Variants in ANTXR2 observed in about 807,000 individuals in gnomAD.
ANTXR2 encodes the protein ANTXR cell adhesion molecule 2.
ANTXR2 carries 44 observed loss-of-function variants against 73.7 expected under a neutral mutation model. The observed-to-expected ratio is 0.60, with a 90% CI of 0.47 to 0.77. ANTXR2 has a LOEUF of 0.77. Among genes scored for constraint, ANTXR2 ranks in the 30% least tolerant of loss-of-function variants. The pLI, the probability that ANTXR2 is intolerant of heterozygous loss-of-function variation, is 0.00. For synonymous variants in ANTXR2, 217 were observed against 205.9 expected, an observed-to-expected ratio of 1.05 and a Z score of -0.46; for missense variants, 604 against 592.5, an observed-to-expected ratio of 1.02 and a Z score of -0.20.
rs147751074 is a variant in ANTXR2, at chr4:80,056,383, G to A, written c.297-370C>T. On this transcript the variant is annotated intron_variant, in intron 3 of 16. Transcript: ENST00000403729. Reference sequence around the variant, plus strand: ...TGAGTAGCTCATCTTCAATGACAAAGCATTTCTGAAACACTCACTCCATCT... The same window carrying A: ...TGAGTAGCTCATCTTCAATGACAAAACATTTCTGAAACACTCACTCCATCT... 3.6e-4 allele frequency among the ~76,000 whole-genome samples: 55 copies of A among 151,928 alleles called. No homozygotes were observed. In the East Asian group the frequency reaches 9.5e-3, roughly 26 times the overall value.
chr4:80,054,355 T>G lies in ANTXR2; in HGVS notation c.556-3A>C, dbSNP rs370048069. 8.9e-6 allele frequency: 14 copies of G among 1,580,578 alleles called. No homozygotes were observed. The highest frequency in any genetic ancestry group is 1.1e-5 in the Non-Finnish European group (13 of 1,164,088). On this transcript the variant is annotated splice_polypyrimidine_tract_variant and splice_region_variant and intron_variant, in intron 6 of 16. Coordinates refer to ENST00000403729, the MANE Select transcript of ANTXR2 (RefSeq NM_058172.6). ...TTGGAATCAGCAATTCTTTCAAGCT[T>G]TAGAAAGAAGAGGAAGACTTAATTA...
At position 79,905,572 on chromosome 4, in the gene ANTXR2, A is replaced by G. The variant is rs1560833463; in HGVS notation, c.*1857T>C. 1 of 152,216 alleles carries G rather than the reference A, an allele frequency of 6.6e-6. No homozygotes were observed. The highest frequency in any genetic ancestry group is 2.4e-5 in the African/African-American group (1 of 41,468). The allele number at this position is 152,216 out of a possible 1,614,324, so 9.4% of individuals were successfully genotyped here. A position where few individuals can be genotyped will look rare whatever the true frequency, so the allele number is the denominator to read the frequency against. Reference sequence around the variant, plus strand: ...GGCTTAAAGAAATGGTAGCACAGGCATAGGTAAAATTTTTATTTATGAATG... The same window carrying G: ...GGCTTAAAGAAATGGTAGCACAGGCGTAGGTAAAATTTTTATTTATGAATG... On this transcript the variant is annotated 3_prime_UTR_variant, in exon 17 of 17. Transcript: ENST00000403729.
intron 16 of ANTXR2, among the ~76,000 whole-genome samples, chr4:79,934,628 A>G (rs1480539763): frequency 1.3e-5 from 2 of 152,140 alleles, no homozygotes; most frequent in Non-Finnish European, 2.9e-5. Context: ...ATGGAAAGTA[A>G]TAGCAGCTTA....
chr4:80,071,535 C>T, intron 2 of ANTXR2, 48 bp downstream of exon 2: 1 of 1,478,938 alleles, frequency 6.8e-7, no homozygotes, highest in Non-Finnish European at 9.5e-7. Flanking sequence ...AAATTCTACA[C>T]TTTGCTCTAC....
chr4:79,954,016 C>A (rs754218888), intron 16 of ANTXR2, among the ~76,000 whole-genome samples: 1 of 152,102 alleles, frequency 6.6e-6, no homozygotes, highest in Non-Finnish European at 1.5e-5. Flanking sequence ...CTCTAAACTG[C>A]TGTAAATTTT....
intron 16 of ANTXR2, among the ~76,000 whole-genome samples, chr4:79,931,512 C>T (rs994256396): frequency 9.9e-5 from 15 of 151,718 alleles, no homozygotes; most frequent in African/African-American, 3.1e-4. Context: ...ACCCCCACTC[C>T]AACTTCCAGA....
chr4:80,072,313 C>G (rs949342701), intron 1 of ANTXR2, 96 bp downstream of exon 1: 45 of 1,375,088 alleles, frequency 3.3e-5, no homozygotes, highest in South Asian at 3.0e-4. Flanking sequence ...GTTTCCAACA[C>G]CACTCCCCGG....
At position 79,977,915 on chromosome 4, in the gene ANTXR2, C is replaced by G. The variant is rs181937702; in HGVS notation, c.1347+92G>C. On this transcript the variant is annotated intron_variant, in intron 15 of 16. Coordinates refer to ENST00000403729, the MANE Select transcript of ANTXR2 (RefSeq NM_058172.6). ...AATGAATATCTGCAATTTCATCTAC[C>G]CTCTTTCAAGTAGCTGGGGGGATGT... 71 of 1,406,568 alleles carry G rather than the reference C, an allele frequency of 5.0e-5. No homozygotes were observed. In the East Asian group the frequency reaches 1.5e-3, roughly 31 times the overall value. 87.1% of individuals were successfully genotyped at this position (1,406,568 alleles called of 1,614,324 possible). A position where few individuals can be genotyped will look rare whatever the true frequency, so the allele number is the denominator to read the frequency against.
chr4:80,044,728 A>G (rs1733436345), intron 7 of ANTXR2, among the ~76,000 whole-genome samples: 1 of 151,898 alleles, frequency 6.6e-6, no homozygotes, highest in Non-Finnish European at 1.5e-5. Flanking sequence ...TGGCAACAGG[A>G]AGGATACTAT....
At chr4:80,047,212 AAAG>A (rs1448135952) in intron 7 of ANTXR2, among the ~76,000 whole-genome samples, 1 of 151,832 alleles carries the variant, frequency 6.6e-6, no homozygotes, top group South Asian at 2.1e-4. Context: ...TTTTTAAAAA[AAAG>A]AAAATAATAA....
intron 16 of ANTXR2, chr4:79,964,838 C>A (rs1056307955): frequency 6.6e-6 from 1 of 152,238 alleles, no homozygotes; most frequent in Non-Finnish European, 1.5e-5. Context: ...GCGGCCCTCA[C>A]CTCGCGCGCC....
rs772412214 is a variant in ANTXR2 at position 80,055,214 on chromosome 4, T to C, written c.491A>G (p.Lys164Arg). 1.3e-6 allele frequency: 2 copies of C among 1,568,104 alleles called. No individual in the cohort carries two copies. Among genetic ancestry groups the C allele is most frequent in the South Asian group, 2.3e-5 (2 of 85,620 alleles). ...LVPSYAEKEA[K>R]ISRSLGASVY... ...ACTAGCCCCAAGTGACCTGGATATC[T>C]TTGCCTATGGAGAATGAGGAGGGAA... Residue 164 changes from lysine (K) to arginine (R), a missense_variant, in exon 6 of 17, where the codon AAG (lysine) becomes AGG (arginine). Transcript: ENST00000403729.
intron 16 of ANTXR2, among the ~76,000 whole-genome samples, chr4:79,915,975 C>A (rs1727340705): frequency 6.6e-6 from 1 of 151,556 alleles, no homozygotes; most frequent in Non-Finnish European, 1.5e-5. Flanking sequence ...GAAGCTCAAC[C>A]TATAAATGTC....
At chr4:79,918,267 C>CA (rs1218528988) in intron 16 of ANTXR2, among the ~76,000 whole-genome samples, 2 of 151,804 alleles carry the variant, frequency 1.3e-5, no homozygotes, top group South Asian at 2.1e-4. Flanking sequence ...AAGGAGAGGA[C>CA]AAAAAATGGG....
At chr4:80,051,901 G>A (rs947895723) in intron 7 of ANTXR2, among the ~76,000 whole-genome samples, 6 of 151,250 alleles carry the variant, frequency 4.0e-5, no homozygotes, top group African/African-American at 1.5e-4. Flanking sequence ...TACATTAAGG[G>A]GACCAGACTA....
At chr4:79,909,309 A>G (rs1413885974) in intron 16 of ANTXR2, among the ~76,000 whole-genome samples, 1 of 152,188 alleles carries the variant, frequency 6.6e-6, no homozygotes, top group Non-Finnish European at 1.5e-5. Context: ...AAATGGATAT[A>G]GATATAATGA....
chr4:80,069,375 C>T, intron 3 of ANTXR2, 61 bp downstream of exon 3: 1 of 1,330,838 alleles, frequency 7.5e-7, no homozygotes, highest in Non-Finnish European at 1.1e-6. Flanking sequence ...TTGGAAATAT[C>T]AATCATGCCT....
chr4:80,036,726 A>G (rs952528005), intron 7 of ANTXR2, among the ~76,000 whole-genome samples: 12 of 152,026 alleles, frequency 7.9e-5, no homozygotes, highest in Non-Finnish European at 1.5e-5. Context: ...GCTTTAACAC[A>G]GCAATGAGCC....
intron 7 of ANTXR2, 81 bp downstream of exon 7, chr4:80,054,191 A>C: frequency 9.2e-7 from 1 of 1,081,860 alleles, no homozygotes; most frequent in Non-Finnish European, 1.3e-6. Context: ...GACCACCTGC[A>C]CTGGATATTA....
Sources: gnomAD v4.1 joint callset for allele counts (sites outside exome capture counted in the v4.1 genomes callset) on GRCh38, gnomAD v4.1.1 for gene constraint, MANE v1.5 for transcripts, NCBI Gene and HGNC (gene_info 2026-07-23, HGNC 2026-07-21) for gene names.